NTRK3: variants seen among roughly 807,000 people sequenced by gnomAD.
NTRK3 encodes neurotrophic receptor tyrosine kinase 3, also known as NT-3 growth factor receptor.
Under a neutral mutation model 91.7 loss-of-function variants are expected in NTRK3, and 24 were observed. The observed-to-expected ratio is 0.26, with a 90% confidence interval of 0.19 to 0.37. The LOEUF (loss-of-function observed/expected upper bound fraction) is 0.37, where lower values mean the gene tolerates loss of function less well. NTRK3 is among the 10% of genes least tolerant of loss of function. NTRK3 has a pLI of 1.00. For synonymous variants in NTRK3, 483 were observed against 404.0 expected (o/e 1.20, Z -2.34); for missense variants, 880 against 1,068.9 (o/e 0.82, Z 2.46).
exon 19 of NTRK3, chr15:87,871,659 C>T (rs779448099): frequency 2.2e-5 from 5 of 228,626 alleles, no homozygotes; most frequent in African/African-American, 8.9e-5. Context: ...GATTTCCCAT[C>T]GTAATCTTCC....
chr15:88,033,585 A>G (rs1373323899), intron 13 of NTRK3, among the ~76,000 whole-genome samples: 1 of 152,052 alleles, frequency 6.6e-6, no homozygotes, highest in Non-Finnish European at 1.5e-5. Context: ...TGCTAGGATT[A>G]CAGGTGTGAG....
Position 88,137,565 on chromosome 15 carries a change from T to G in NTRK3, c.465-4A>C. Reference sequence around the variant, plus strand: ...GAAAAAGTTCTGCTCCAACTGCCTGTCGGCAAAGAGAGAGGGGAAGGGAAC... The same window carrying G: ...GAAAAAGTTCTGCTCCAACTGCCTGGCGGCAAAGAGAGAGGGGAAGGGAAC... On this transcript the variant is annotated splice_polypyrimidine_tract_variant and splice_region_variant and intron_variant, in intron 6 of 18. Transcript: ENST00000394480. 6.2e-7 allele frequency: 1 copy of G among 1,613,548 alleles called. No individual in the cohort carries two copies. The highest frequency in any genetic ancestry group is 8.5e-7 in the Non-Finnish European group (1 of 1,179,878).
exon 9 of NTRK3, chr15:88,135,954 G>A: frequency 6.2e-7 from 1 of 1,614,218 alleles, no homozygotes; most frequent in Admixed American, 1.7e-5. Flanking sequence ...TCTCTGCAAT[G>A]CACGTCAGGG....
chr15:87,982,049 G>A (rs1483352287), intron 14 of NTRK3, among the ~76,000 whole-genome samples: 1 of 152,172 alleles, frequency 6.6e-6, no homozygotes, highest in Non-Finnish European at 1.5e-5. Context: ...GTGGGCCCTG[G>A]AAAGATCCGT....
chr15:87,868,159 TTG>T (rs139054301), exon 19 of NTRK3: 31 of 230,362 alleles, frequency 1.3e-4, no homozygotes, highest in Non-Finnish European at 2.1e-4. Flanking sequence ...GTGGAGGCTT[TTG>T]TGTGTGTGTG....
intron 17 of NTRK3, chr15:87,926,705 GT>G (rs2068339296): frequency 6.6e-6 from 1 of 152,184 alleles, no homozygotes; most frequent in Non-Finnish European, 1.5e-5. Flanking sequence ...TTTTAAACTA[GT>G]TTCAATAAAT....
At chr15:88,213,242 G>C (rs1330789372) in intron 3 of NTRK3, among the ~76,000 whole-genome samples, 1 of 152,200 alleles carries the variant, frequency 6.6e-6, no homozygotes, top group African/African-American at 2.4e-5. Flanking sequence ...TGAGGAAACA[G>C]AGGCCCACCA....
chr15:88,093,766 A>C (rs1408548956), intron 13 of NTRK3, among the ~76,000 whole-genome samples: 1 of 149,156 alleles, frequency 6.7e-6, no homozygotes, highest in African/African-American at 2.5e-5. Context: ...TTCCTTTAAC[A>C]CTCTCTGTGG....
chr15:87,876,193 T>G (rs7176429), exon 19 of NTRK3: 150,897 of 233,082 alleles, frequency 0.65, 49,248 homozygotes, highest in Non-Finnish European at 0.68. Flanking sequence ...GGATGGATGC[T>G]GTCAGCTCTT....
chr15:87,961,116 AT>A (rs992245693), intron 14 of NTRK3, among the ~76,000 whole-genome samples: 2 of 152,120 alleles, frequency 1.3e-5, no homozygotes, highest in African/African-American at 4.8e-5. Context: ...ATCTGATGAG[AT>A]GGGGTACTCA....
intron 13 of NTRK3, among the ~76,000 whole-genome samples, chr15:88,077,394 C>T (rs1299793582): frequency 6.6e-6 from 1 of 152,154 alleles, no homozygotes; most frequent in African/African-American, 2.4e-5. Context: ...ACGTAGCCAA[C>T]ATTTTCCAGT....
At chr15:88,198,333 G>C (rs1162827791) in intron 3 of NTRK3, among the ~76,000 whole-genome samples, 2 of 152,132 alleles carry the variant, frequency 1.3e-5, no homozygotes, top group African/African-American at 4.8e-5. Flanking sequence ...TGGCTGCCCA[G>C]ATATGGTTCC....
chr15:88,200,566 A>G (rs575838508), intron 3 of NTRK3, among the ~76,000 whole-genome samples: 6 of 152,240 alleles, frequency 3.9e-5, no homozygotes, highest in African/African-American at 1.4e-4. Flanking sequence ...TTCTCACAAG[A>G]TCTGATGGTT....
intron 17 of NTRK3, among the ~76,000 whole-genome samples, chr15:87,895,061 G>C (rs1015452092): frequency 6.6e-6 from 1 of 152,122 alleles, no homozygotes; most frequent in Non-Finnish European, 1.5e-5. Context: ...TCAAATCCAA[G>C]TTTCTCAGAA....
intron 13 of NTRK3, among the ~76,000 whole-genome samples, chr15:88,105,491 T>G (rs186253234): frequency 6.6e-6 from 1 of 152,162 alleles, no homozygotes; most frequent in Non-Finnish European, 1.5e-5. Flanking sequence ...CACACAGCCA[T>G]GCAGTCCCAG....
intron 3 of NTRK3, among the ~76,000 whole-genome samples, chr15:88,193,611 C>T (rs930925459): frequency 2.0e-5 from 3 of 152,288 alleles, no homozygotes; most frequent in Non-Finnish European, 4.4e-5. Flanking sequence ...CAAATAGTGA[C>T]CACTAGGCGA....
chr15:87,978,885 G>C (rs534181651), intron 14 of NTRK3: 1 of 270,360 alleles, frequency 3.7e-6, no homozygotes, highest in African/African-American at 2.2e-5. Context: ...AGGGCGACGA[G>C]GTCACTAAGA....
chr15:87,970,744 A>T (rs879192928), intron 14 of NTRK3, among the ~76,000 whole-genome samples: 1 of 152,192 alleles, frequency 6.6e-6, no homozygotes, highest in Admixed American at 6.5e-5. Context: ...AAGGAGAAAC[A>T]TTGCTGCAAT....
rs2051518853 is a variant in NTRK3, at chr15:88,234,616, G to A, written c.248+21290C>T. ...CAGCTCAGTTGCCCCTTCCTCTGGG[G>A]AGCTTCTCTGCATGCCCAGCCTGGA... On this transcript the variant is annotated intron_variant, in intron 3 of 18. Transcript: ENST00000394480. This position sits in a 1 kb window ranked among gnomAD's most constrained non-coding sequence, Gnocchi z 6.1. Among the ~76,000 whole-genome samples the A allele has an allele frequency of 2.0e-5, 3 of 152,098 alleles. No homozygotes were observed. In the South Asian group the frequency reaches 6.2e-4, roughly 32 times the overall value.
Sources: allele counts gnomAD v4.1 joint callset (sites outside exome capture counted in the v4.1 genomes callset), GRCh38; gene constraint gnomAD v4.1.1; non-coding constraint Gnocchi (gnomAD v3.1); transcripts MANE v1.5; gene names NCBI Gene and HGNC (gene_info 2026-07-23, HGNC 2026-07-21).